The following TANK variants were observed in gnomAD, a reference collection of about 807,000 sequenced individuals.
The protein encoded by TANK is TRAF family member-associated NF-kappa-B activator.
TANK carries 15 observed loss-of-function variants against 43.6 expected under a neutral mutation model. The ratio of observed to expected loss-of-function variants is 0.34; its 90% CI spans 0.23 to 0.53. The LOEUF is 0.53. Ranked by LOEUF, TANK falls within the 20% of genes least tolerant of loss-of-function variation. TANK has a pLI of 0.94. For synonymous variants in TANK, 162 were observed against 178.2 expected, an observed-to-expected ratio of 0.91 and a Z score of 0.73; for missense variants, 417 against 498.6, an observed-to-expected ratio of 0.84 and a Z score of 1.56.
intron 4 of TANK, chr2:161,212,925 C>G: frequency 2.4e-6 from 1 of 414,328 alleles, no homozygotes; most frequent in Non-Finnish European, 3.2e-6. Context: ...TGTAAAAGTT[C>G]AAGATTGGAC....
intron 1 of TANK, among the ~76,000 whole-genome samples, chr2:161,168,419 A>G (rs1041447010): frequency 2.6e-5 from 4 of 152,172 alleles, no homozygotes; most frequent in African/African-American, 9.7e-5. Flanking sequence ...GAATTTCCAG[A>G]TTGAAAGGGC....
intron 4 of TANK, chr2:161,216,363 C>T (rs1217106619): frequency 2.1e-6 from 1 of 465,286 alleles, no homozygotes. Context: ...TTCTCTCCTG[C>T]TTTCTCTTTT....
intron 1 of TANK, among the ~76,000 whole-genome samples, chr2:161,144,543 T>G (rs1474799941): frequency 1.3e-5 from 2 of 152,240 alleles, no homozygotes; most frequent in East Asian, 1.9e-4. Flanking sequence ...GATTTCTGCC[T>G]TAATTTCATT....
upstream of TANK, chr2:161,156,257 A>G (rs1015069477): frequency 4.7e-5 from 46 of 985,182 alleles, no homozygotes; most frequent in Middle Eastern, 5.2e-4. Flanking sequence ...CTAATCATTG[A>G]TTTATTATTC....
chr2:161,153,995 G>A (rs926941909), intron 1 of TANK, among the ~76,000 whole-genome samples: 2 of 152,214 alleles, frequency 1.3e-5, no homozygotes, highest in African/African-American at 4.8e-5. Flanking sequence ...TGGGGGCAAT[G>A]ATAACCTAGG....
chr2:161,187,566 G>A (rs2105313063), intron 2 of TANK, among the ~76,000 whole-genome samples: 2 of 152,286 alleles, frequency 1.3e-5, no homozygotes, highest in Admixed American at 1.3e-4. Context: ...AGTATATGAA[G>A]CAAGCATTGA....
At chr2:161,188,207 A>G (rs539010448) in intron 2 of TANK, among the ~76,000 whole-genome samples, 6 of 152,228 alleles carry the variant, frequency 3.9e-5, no homozygotes, top group African/African-American at 1.2e-4. Flanking sequence ...GGAAACAAAT[A>G]TAAATAAAAA....
At position 161,184,286 on chromosome 2, in the gene TANK, T is replaced by G. The variant is rs1685558013; in HGVS notation, c.99+4525T>G. ...AGTCTTCCTGACAGTGGGATAGAGATAGATAGGATACAGAACAATGTGAAA... is the reference window on the plus strand; with the variant it reads ...AGTCTTCCTGACAGTGGGATAGAGAGAGATAGGATACAGAACAATGTGAAA... On this transcript the variant is annotated intron_variant, in intron 2 of 7. Coordinates refer to ENST00000392749, the MANE Select transcript of TANK (RefSeq NM_001199135.3). 1.3e-5 allele frequency among the ~76,000 whole-genome samples: 2 copies of G among 152,112 alleles called. 1 individual carries two copies. Among genetic ancestry groups the G allele is most frequent in the South Asian group, 4.1e-4 (2 of 4,832 alleles).
At chr2:161,196,948 A>C (rs1390167919) in intron 2 of TANK, among the ~76,000 whole-genome samples, 1 of 152,242 alleles carries the variant, frequency 6.6e-6, no homozygotes, top group African/African-American at 2.4e-5. Flanking sequence ...AAATGAAATT[A>C]TCACATGATG....
intron 2 of TANK, among the ~76,000 whole-genome samples, chr2:161,202,430 C>A (rs1174774344): frequency 6.6e-6 from 1 of 151,866 alleles, no homozygotes; most frequent in East Asian, 1.9e-4. Context: ...ACCTCGTGAT[C>A]CACCTACCTC....
intron 1 of TANK, among the ~76,000 whole-genome samples, chr2:161,148,152 G>A (rs2105223136): frequency 1.3e-5 from 2 of 152,206 alleles, no homozygotes; most frequent in East Asian, 3.9e-4. Context: ...CACTATATAA[G>A]GCTTCCAATT....
intron 1 of TANK, among the ~76,000 whole-genome samples, chr2:161,173,906 T>G (rs1241134881): frequency 6.6e-6 from 1 of 152,132 alleles, no homozygotes; most frequent in Non-Finnish European, 1.5e-5. Flanking sequence ...CTAGGTGGCT[T>G]GTCACTGTAA....
intron 1 of TANK, among the ~76,000 whole-genome samples, chr2:161,146,289 A>G (rs1181524981): frequency 1.3e-5 from 2 of 151,952 alleles, no homozygotes; most frequent in African/African-American, 4.8e-5. Context: ...AGCTCAGTGG[A>G]GTTTATTACC....
intron 4 of TANK, among the ~76,000 whole-genome samples, chr2:161,216,207 C>G (rs758855504): frequency 1.3e-5 from 2 of 152,098 alleles, no homozygotes; most frequent in Non-Finnish European, 2.9e-5. Flanking sequence ...GCATGTTTCC[C>G]TCTACATTTT....
chr2:161,235,256 G>A lies in TANK; in HGVS notation c.1102-86G>A, dbSNP rs188788997. The A allele has an allele frequency of 1.5e-5, 18 of 1,221,294 alleles. 1 individual carries two copies. The highest frequency in any genetic ancestry group is 1.2e-4 in the Admixed American group (5 of 42,602). The allele number at this position is 1,221,294 out of a possible 1,614,324, so 75.7% of individuals were successfully genotyped here. On this transcript the variant is annotated intron_variant, in intron 7 of 7. Transcript: ENST00000392749. The stretch of plus-strand genomic sequence containing the variant: ...GGGAATTCAATATATATGCCCATGC[G>A]TAACTCATTCAGAAATTCAAATTTG...
chr2:161,159,957 A>T (rs1684331066), upstream of TANK, among the ~76,000 whole-genome samples: 1 of 152,204 alleles, frequency 6.6e-6, no homozygotes, highest in Non-Finnish European at 1.5e-5. Context: ...ACGTTTAATT[A>T]CATAAATTTA....
At chr2:161,191,928 C>A (rs1385905839) in intron 2 of TANK, among the ~76,000 whole-genome samples, 2 of 152,050 alleles carry the variant, frequency 1.3e-5, no homozygotes, top group African/African-American at 4.8e-5. Flanking sequence ...GCTGGGATTA[C>A]AGGCGCCCAC....
At chr2:161,143,609 G>T (rs1683815377) in intron 1 of TANK, among the ~76,000 whole-genome samples, 1 of 152,034 alleles carries the variant, frequency 6.6e-6, no homozygotes, top group African/African-American at 2.4e-5. Context: ...TTATGTGATG[G>T]ATTATGTTTA....
At chr2:161,212,123 C>A in intron 4 of TANK, 1 of 454,938 alleles carries the variant, frequency 2.2e-6, no homozygotes, top group Non-Finnish European at 2.9e-6. Flanking sequence ...TGCAGTGACA[C>A]CATCTCGGCT....
Sources: allele counts gnomAD v4.1 joint callset (sites outside exome capture counted in the v4.1 genomes callset), GRCh38; gene constraint gnomAD v4.1.1; transcripts MANE v1.5; gene names NCBI Gene and HGNC (gene_info 2026-07-23, HGNC 2026-07-21).